NCKAP5: variants seen among roughly 807,000 people sequenced by gnomAD.
NCKAP5 encodes NCK associated protein 5.
In NCKAP5, 92 loss-of-function variants were observed where a neutral mutation model predicts 167.0. The ratio of observed to expected loss-of-function variants is 0.55; its 90% CI spans 0.47 to 0.66. NCKAP5 has a LOEUF of 0.66. Ranked by LOEUF, NCKAP5 falls within the 30% of genes least tolerant of loss-of-function variation. NCKAP5 has a pLI of 0.00. For missense variants in NCKAP5, 2,378 were observed against 2,315.0 expected, an observed-to-expected ratio of 1.03 and a Z score of -0.56; for synonymous variants, 891 against 877.4, an observed-to-expected ratio of 1.02 and a Z score of -0.27.
At chr2:132,762,745 G>C (rs899613993) in intron 16 of NCKAP5, among the ~76,000 whole-genome samples, 2 of 152,196 alleles carry the variant, frequency 1.3e-5, no homozygotes, top group African/African-American at 4.8e-5. Flanking sequence ...GGCAAGAAAA[G>C]ATACCAGCCC....
chr2:132,741,800 G>A (rs985144405), intron 16 of NCKAP5, among the ~76,000 whole-genome samples: 2 of 151,848 alleles, frequency 1.3e-5, no homozygotes, highest in African/African-American at 4.8e-5. Context: ...CCACCTTTTC[G>A]CACTGTTATC....
At chr2:133,123,119 C>T (rs2082299780) in intron 6 of NCKAP5, 1 of 152,168 alleles carries the variant, frequency 6.6e-6, no homozygotes, top group Non-Finnish European at 1.5e-5. Flanking sequence ...GAATAATAGG[C>T]AACATGACTT....
At chr2:133,190,446 G>A (rs2150075821) in intron 5 of NCKAP5, among the ~76,000 whole-genome samples, 1 of 152,222 alleles carries the variant, frequency 6.6e-6, no homozygotes, top group East Asian at 1.9e-4. Flanking sequence ...AACCAAAAAA[G>A]AGCCCACATT....
rs569946108 is a variant in NCKAP5 at position 132,853,830 on chromosome 2, T to G, written c.807+6662A>C. Among the ~76,000 whole-genome samples the G allele has an allele frequency of 6.3e-4, 96 of 152,310 alleles. 1 individual carries two copies. Among genetic ancestry groups the G allele is most frequent in the African/African-American group, 2.0e-3 (82 of 41,560 alleles). The stretch of plus-strand genomic sequence containing the variant: ...AACAACAAAACACCTGAAACTCATT[T>G]AAAAGGAGAGATAATTTCCCCTAAT... On this transcript the variant is annotated intron_variant, in intron 11 of 19. Transcript: ENST00000409261.
At chr2:132,771,839 A>ATTTTTTTTTT (rs70973406) in intron 16 of NCKAP5, among the ~76,000 whole-genome samples, 976 of 100,796 alleles carry the variant, frequency 9.7e-3, no homozygotes, top group East Asian at 0.017. Flanking sequence ...CGCCCGGCTA[A>ATTTTTTTTTT]TTTTTTTTTT....
At chr2:133,487,367 T>C (rs892103036) in intron 3 of NCKAP5, among the ~76,000 whole-genome samples, 2 of 151,974 alleles carry the variant, frequency 1.3e-5, no homozygotes, top group African/African-American at 4.8e-5. Context: ...TGAGAAATGA[T>C]AGGGTGGTGT....
the NCKAP5 span, among the ~76,000 whole-genome samples, chr2:133,644,277 C>T: frequency 6.6e-6 from 1 of 151,998 alleles, no homozygotes; most frequent in Non-Finnish European, 1.5e-5. Context: ...CTGAGTGTCT[C>T]TCAGCTGGGA....
chr2:133,466,314 A>C (rs1225184500), intron 3 of NCKAP5, among the ~76,000 whole-genome samples: 3 of 147,132 alleles, frequency 2.0e-5, no homozygotes, highest in African/African-American at 7.7e-5. Flanking sequence ...AAGATCAGAT[A>C]GTTGTAGATA....
chr2:133,536,654 T>C (rs1685787372), intron 2 of NCKAP5, among the ~76,000 whole-genome samples: 1 of 152,062 alleles, frequency 6.6e-6, no homozygotes, highest in Non-Finnish European at 1.5e-5. Context: ...TTTAATTGGG[T>C]GATTTGGTTT....
At position 133,139,576 on chromosome 2, in the gene NCKAP5, T is replaced by C. The variant is rs543935251; in HGVS notation, c.208-9465A>G. Among the ~76,000 whole-genome samples the C allele has an allele frequency of 7.9e-5, 12 of 152,318 alleles. No homozygotes were observed. In the South Asian group the frequency reaches 2.5e-3, roughly 32 times the overall value. On this transcript the variant is annotated intron_variant, in intron 5 of 19. Transcript: ENST00000409261. ...CACACCAAAGGCATTGGTTTTAATT[T>C]GATTCTGAAATGATTGGGAGTATCA...
At chr2:133,367,763 A>G (rs1455916630) in intron 3 of NCKAP5, among the ~76,000 whole-genome samples, 1 of 152,218 alleles carries the variant, frequency 6.6e-6, no homozygotes, top group Non-Finnish European at 1.5e-5. Context: ...TTCACACTAG[A>G]TGAATTAAAT....
At chr2:132,852,591 T>C (rs1187649014) in intron 11 of NCKAP5, among the ~76,000 whole-genome samples, 1 of 152,170 alleles carries the variant, frequency 6.6e-6, no homozygotes, top group African/African-American at 2.4e-5. Context: ...TTGCAAGAGG[T>C]TGGGAAGGCC....
the NCKAP5 span, among the ~76,000 whole-genome samples, chr2:133,577,773 G>A: frequency 1.3e-5 from 2 of 152,062 alleles, no homozygotes; most frequent in African/African-American, 4.8e-5. Context: ...TGTATGAGCG[G>A]CCAAGTATAT....
rs577212161 is a variant in NCKAP5, at chr2:133,132,392, C to T, written c.208-2281G>A. The stretch of plus-strand genomic sequence containing the variant: ...TTCACTCACTGCCATATCAAAGAGT[C>T]CCAAAAACATGATCATGAGAGAACC... On this transcript the variant is annotated intron_variant, in intron 5 of 19. Coordinates refer to ENST00000409261, the MANE Select transcript of NCKAP5 (RefSeq NM_207363.3). Among the ~76,000 whole-genome samples the T allele has an allele frequency of 4.6e-5, 7 of 151,618 alleles. No individual in the cohort carries two copies. The South Asian group carries it at 1.5e-3, about 32-fold the overall frequency.
At chr2:132,795,918 A>T (rs1367833445) in intron 12 of NCKAP5, among the ~76,000 whole-genome samples, 2 of 151,092 alleles carry the variant, frequency 1.3e-5, no homozygotes, top group African/African-American at 2.4e-5. Context: ...AAAAAAAAAA[A>T]ACTCCTGACT....
At chr2:133,160,425 TTTCC>T (rs769317809) in intron 5 of NCKAP5, among the ~76,000 whole-genome samples, 16,538 of 136,182 alleles carry the variant, frequency 0.12, 887 homozygotes, top group East Asian at 0.34. Flanking sequence ...TTTTTTTTCT[TTTCC>T]TTTCTTTTTC....
chr2:133,509,432 C>G (rs533021761), intron 3 of NCKAP5, among the ~76,000 whole-genome samples: 3 of 152,312 alleles, frequency 2.0e-5, no homozygotes, highest in African/African-American at 7.2e-5. Flanking sequence ...TCTCTCCAAC[C>G]TTCCCAAACA....
intron 4 of NCKAP5, among the ~76,000 whole-genome samples, chr2:133,253,452 G>A (rs991528314): frequency 6.6e-6 from 1 of 152,168 alleles, no homozygotes; most frequent in Non-Finnish European, 1.5e-5. Context: ...GTTAATCACT[G>A]GGTTTCACAA....
chr2:132,756,736 T>C (rs1184338698), intron 16 of NCKAP5, among the ~76,000 whole-genome samples: 1 of 152,176 alleles, frequency 6.6e-6, no homozygotes, highest in East Asian at 1.9e-4. Flanking sequence ...AATGACATCT[T>C]TGGAAATGCG....
Sources: gnomAD v4.1 joint callset for allele counts (sites outside exome capture counted in the v4.1 genomes callset) on GRCh38, gnomAD v4.1.1 for gene constraint, MANE v1.5 for transcripts, NCBI Gene and HGNC (gene_info 2026-07-23, HGNC 2026-07-21) for gene names.